The following USP36 variants were observed in gnomAD, a reference collection of about 807,000 sequenced individuals.
USP36 encodes ubiquitin specific peptidase 36, also known as ubiquitin carboxyl-terminal hydrolase 36.
Under a neutral mutation model 111.5 loss-of-function variants are expected in USP36, and 59 were observed. The ratio of observed to expected loss-of-function variants is 0.53; its 90% CI spans 0.43 to 0.66. USP36 has a LOEUF of 0.66. USP36 is among the 30% of genes least tolerant of loss of function. USP36 has a pLI of 0.00. For missense variants in USP36, 1,488 were observed against 1,468.0 expected, an observed-to-expected ratio of 1.01 and a Z score of -0.22; for synonymous variants, 628 against 581.0, an observed-to-expected ratio of 1.08 and a Z score of -1.16.
downstream of USP36, among the ~76,000 whole-genome samples, chr17:78,792,246 G>T (rs2093589680): frequency 6.6e-6 from 1 of 152,130 alleles, no homozygotes; most frequent in South Asian, 2.1e-4. Context: ...TTTAGGATGG[G>T]AGATGCCTGA....
At chr17:78,802,949 T>TC (rs1216414997) in intron 16 of USP36, among the ~76,000 whole-genome samples, 1 of 152,096 alleles carries the variant, frequency 6.6e-6, no homozygotes, top group Admixed American at 6.6e-5. Context: ...TTTTCTTTTT[T>TC]CTTTTTTTTT....
chr17:78,827,336 G>T lies in USP36; in HGVS notation c.598C>A (p.His200Asn), dbSNP rs150547254. ...FIRDLKKIAR[H>N]FRFGNQEDAH... ...TCCTCCTGGTTCCCAAAGCGGAAGTGTCGGGCGATCTCTAAAAGAGGAAGA... is the reference window on the plus strand; with the variant it reads ...TCCTCCTGGTTCCCAAAGCGGAAGTTTCGGGCGATCTCTAAAAGAGGAAGA... The change falls in exon 6 of 21, where the codon CAC (histidine) becomes AAC (asparagine). Residue 200 changes from histidine (H) to asparagine (N), a missense_variant. Transcript: ENST00000449938. 9,886 of 1,612,164 alleles carry T rather than the reference G, an allele frequency of 6.1e-3. 50 individuals are homozygous for T. Among genetic ancestry groups the T allele is most frequent in the Non-Finnish European group, 7.1e-3 (8,401 of 1,178,520 alleles).
chr17:78,798,268 A>G lies in USP36; in HGVS notation c.*20+132T>C. The G allele has an allele frequency of 1.6e-6, 2 of 1,239,370 alleles. No homozygotes were observed. Among genetic ancestry groups the G allele is most frequent in the Non-Finnish European group, 2.2e-6 (2 of 904,834 alleles). The allele number at this position is 1,239,370 out of a possible 1,614,324, so 76.8% of individuals were successfully genotyped here. On this transcript the variant is annotated intron_variant, in intron 20 of 20. Transcript: ENST00000449938. The surrounding 1 kb of genome is among the most constrained non-coding windows in gnomAD (Gnocchi z 5.1). ...CAGACGCGCCCACACCACACACACC[A>G]CCCAACACACATGTGCCAGATACAC...
At position 78,818,908 on chromosome 17, in the gene USP36, CCTT is replaced by C; in HGVS notation, c.912-133_912-131del. On this transcript the variant is annotated intron_variant, in intron 9 of 20. Transcript: ENST00000449938. ...GGAATCTTCATCAATGAGATTTCGACCTTCTGCTCCTCTCAAAATCACATTAAG... is the reference window on the plus strand; with the variant it reads ...GGAATCTTCATCAATGAGATTTCGACCTGCTCCTCTCAAAATCACATTAAG... 8 of 861,286 alleles carry C rather than the reference CCTT, an allele frequency of 9.3e-6. No homozygotes were observed. In the South Asian group the frequency reaches 1.3e-4, roughly 14 times the overall value. 53.4% of individuals were successfully genotyped at this position (861,286 alleles called of 1,614,324 possible). A position where few individuals can be genotyped will look rare whatever the true frequency, so the allele number is the denominator to read the frequency against.
intron 14 of USP36, 107 bp downstream of exon 14, chr17:78,806,852 G>A (rs1399700029): frequency 5.6e-6 from 8 of 1,434,850 alleles, no homozygotes; most frequent in Non-Finnish European, 7.6e-6. Flanking sequence ...TCTAACATGA[G>A]GGAGGCCAAA....
chr17:78,796,432 G>A lies in USP36; in HGVS notation c.*1468C>T, dbSNP rs2093629666. On this transcript the variant is annotated 3_prime_UTR_variant, in exon 21 of 21. Coordinates refer to ENST00000449938, the MANE Select transcript of USP36 (RefSeq NM_001385174.1). ...TGGTCCGCAGGAGAGGGCACCCTGA[G>A]CAGCTCCACTCACTGCTGCTGGGAC... 2 of 152,234 alleles carry A rather than the reference G, an allele frequency of 1.3e-5. No homozygotes were observed. The highest frequency in any genetic ancestry group is 1.3e-4 in the Admixed American group (2 of 15,274). The allele number at this position is 152,234 out of a possible 1,614,324, so 9.4% of individuals were successfully genotyped here.
At chr17:78,814,012 A>G (rs1177423232) in intron 11 of USP36, 139 bp from the exon 12 acceptor site, 3 of 745,390 alleles carry the variant, frequency 4.0e-6, no homozygotes, top group East Asian at 5.4e-5. Flanking sequence ...AACAACTTCT[A>G]TTAAAACGTG....
Position 78,807,315 on chromosome 17 carries a change from C to T in USP36, c.1729G>A (p.Val577Ile), listed in dbSNP as rs1291274808. Residue 577 changes from valine (V) to isoleucine (I), a missense_variant, in exon 14 of 21, where the codon GTT becomes ATT. By Grantham distance (29) the Val-to-Ile change is conservative. This residue lies in a region of USP36 where 1,073 missense variants were observed against 994.1 expected (regional missense o/e 1.08). Coordinates refer to ENST00000449938, the MANE Select transcript of USP36 (RefSeq NM_001385174.1). ...AGCTTAGGTGAGGTAGAGAGGACAA[C>T]ATCCCTGCTGTCCCAGGAGCCCTGC... ...QRQGSWDSRD[V>I]VLSTSPKLLA... 6.2e-7 allele frequency: 1 copy of T among 1,614,200 alleles called. No individual in the cohort carries two copies. Among genetic ancestry groups the T allele is most frequent in the Admixed American group, 1.7e-5 (1 of 60,030 alleles).
rs2145634423 is a variant in USP36 at position 78,834,721 on chromosome 17, G to GC, written c.475+558dup. On this transcript the variant is annotated intron_variant, in intron 4 of 20. Transcript: ENST00000449938. ...GCCTCCCACAGGTGTGAGCCACCGT[G>GC]CCCGGCCTTGATTTGTTTTTGTAGA... Among the ~76,000 whole-genome samples the GC allele has an allele frequency of 2.0e-5, 3 of 152,246 alleles. No homozygotes were observed. The South Asian group carries it at 6.2e-4, about 32-fold the overall frequency.
intron 11 of USP36, 130 bp downstream of exon 11, chr17:78,814,282 C>G: frequency 1.6e-6 from 2 of 1,278,052 alleles, no homozygotes; most frequent in South Asian, 1.5e-5. Flanking sequence ...GAGGCAACAA[C>G]GAGGACTTGA....
At chr17:78,812,409 G>A (rs528182448) in intron 13 of USP36, among the ~76,000 whole-genome samples, 1 of 152,174 alleles carries the variant, frequency 6.6e-6, no homozygotes, top group East Asian at 1.9e-4. Context: ...AATAACATTG[G>A]CCGGGCGCGG....
chr17:78,807,134 A>G lies in USP36; in HGVS notation c.1910T>C (p.Leu637Pro). ...ACAGTTCGTTTCCTGAGAATCGCAG[A>G]GATGGGCCGCTCCACTCCTGGGGGT... ...PQTPRSGAAH[L>P]CDSQETNCST... is the part of the protein sequence containing the mutation. The change falls in exon 14 of 21, where the codon CTC (leucine) becomes CCC (proline). Residue 637 changes from leucine (L) to proline (P), a missense_variant. By Grantham distance (98) the Leu-to-Pro change is moderately conservative. Coordinates refer to ENST00000449938, the MANE Select transcript of USP36 (RefSeq NM_001385174.1). The G allele has an allele frequency of 6.2e-7, 1 of 1,614,132 alleles. No homozygotes were observed.
intron 15 of USP36, among the ~76,000 whole-genome samples, chr17:78,804,622 AT>A (rs1163066550): frequency 7.2e-5 from 9 of 125,116 alleles, no homozygotes; most frequent in African/African-American, 2.8e-4. Flanking sequence ...GATCCCTGAG[AT>A]TTAAAAAAAA....
rs781259744 is a variant in USP36 at position 78,836,310 on chromosome 17, C to G, written c.54G>C (p.Ser18=). ...KEALKPGRKD[S]ADDGELGKLL... The stretch of plus-strand genomic sequence containing the variant: ...GCTTCCCCAGTTCTCCATCATCAGC[C>G]GAGTCCTTGCGGCCGGGTTTCAGGG... The change falls in exon 3 of 21, where the codon TCG becomes TCC. Residue 18 remains serine, a synonymous_variant. Coordinates refer to ENST00000449938, the MANE Select transcript of USP36 (RefSeq NM_001385174.1). 6.2e-7 allele frequency: 1 copy of G among 1,614,162 alleles called. No homozygotes were observed. Among genetic ancestry groups the G allele is most frequent in the Non-Finnish European group, 8.5e-7 (1 of 1,180,038 alleles).
chr17:78,809,580 C>T (rs1422586350), intron 13 of USP36, among the ~76,000 whole-genome samples: 2 of 152,158 alleles, frequency 1.3e-5, no homozygotes. Flanking sequence ...CAATCTCCAC[C>T]CTCGGGCATC....
chr17:78,824,476 G>A (rs1366253652), intron 6 of USP36, among the ~76,000 whole-genome samples: 2 of 152,162 alleles, frequency 1.3e-5, no homozygotes, highest in African/African-American at 2.4e-5. Context: ...TCCAGGAGGT[G>A]GAGCCTGCCG....
intron 7 of USP36, chr17:78,821,405 TATATATATA>T (rs1220815132): frequency 8.6e-4 from 51 of 59,622 alleles, no homozygotes; most frequent in African/African-American, 4.3e-3. Flanking sequence ...TATATATATA[TATATATATA>T]TATATATTTT....
chr17:78,833,785 T>G (rs1399338891), intron 4 of USP36, among the ~76,000 whole-genome samples: 1 of 152,198 alleles, frequency 6.6e-6, no homozygotes, highest in Non-Finnish European at 1.5e-5. Context: ...TCCTACAATT[T>G]TTATATCTAT....
At chr17:78,820,907 A>C in intron 8 of USP36, 84 bp downstream of exon 8, 1 of 1,410,502 alleles carries the variant, frequency 7.1e-7, no homozygotes, top group South Asian at 1.2e-5. Flanking sequence ...TTTTGATCTG[A>C]TGCCTTTACT....
Sources: allele counts gnomAD v4.1 joint callset (sites outside exome capture counted in the v4.1 genomes callset), GRCh38; gene constraint gnomAD v4.1.1; regional missense constraint gnomAD v4.1.1; non-coding constraint Gnocchi (gnomAD v3.1); transcripts MANE v1.5; gene names NCBI Gene and HGNC (gene_info 2026-07-23, HGNC 2026-07-21).